The following COG5 variants were observed in gnomAD, a reference collection of about 807,000 sequenced individuals.
COG5 encodes conserved oligomeric Golgi complex subunit 5.
COG5 carries 86 observed loss-of-function variants against 110.4 expected under a neutral mutation model. The observed-to-expected ratio is 0.78, with a 90% confidence interval of 0.65 to 0.93. The LOEUF is 0.93. Among genes scored for constraint, COG5 ranks in the 40% least tolerant of loss-of-function variants. The pLI, the probability that COG5 is intolerant of heterozygous loss-of-function variation, is 0.00. For synonymous variants in COG5, 360 were observed against 334.6 expected, an observed-to-expected ratio of 1.08 and a Z score of -0.83; for missense variants, 1,077 against 987.0, an observed-to-expected ratio of 1.09 and a Z score of -1.22.
intron 6 of COG5, among the ~76,000 whole-genome samples, chr7:107,458,419 T>C (rs1279192719): frequency 9.9e-5 from 15 of 152,176 alleles, no homozygotes. Context: ...GCAGAAAAGA[T>C]GGAAGGGGCC....
intron 11 of COG5, among the ~76,000 whole-genome samples, chr7:107,302,807 C>T (rs1273781911): frequency 6.6e-6 from 1 of 152,178 alleles, no homozygotes; most frequent in Admixed American, 6.6e-5. Flanking sequence ...TCCTTACCTG[C>T]CATGCAATCT....
intron 5 of COG5, among the ~76,000 whole-genome samples, chr7:107,535,973 T>G (rs1801555577): frequency 6.6e-6 from 1 of 152,184 alleles, no homozygotes; most frequent in Non-Finnish European, 1.5e-5. Flanking sequence ...CAACTCGGCT[T>G]AATCCCTGGG....
At chr7:107,562,224 G>A (rs1803866262) in intron 1 of COG5, among the ~76,000 whole-genome samples, 1 of 152,186 alleles carries the variant, frequency 6.6e-6, no homozygotes, top group Admixed American at 6.5e-5. Flanking sequence ...CAATCACTGT[G>A]GAGAATGGCA....
intron 10 of COG5, among the ~76,000 whole-genome samples, chr7:107,346,578 C>T (rs150935596): frequency 1.1e-4 from 16 of 152,186 alleles, no homozygotes; most frequent in Middle Eastern, 3.4e-3. Context: ...AAAAACCAAA[C>T]GAGAAAATAA....
intron 21 of COG5, among the ~76,000 whole-genome samples, chr7:107,204,192 T>G (rs1488639374): frequency 6.6e-6 from 1 of 152,236 alleles, no homozygotes; most frequent in African/African-American, 2.4e-5. Flanking sequence ...ATCAAGGGGA[T>G]GTACCATTCC....
chr7:107,527,391 C>A (rs774691922), intron 5 of COG5, 34 bp from the exon 6 acceptor site: 1 of 1,609,722 alleles, frequency 6.2e-7, no homozygotes. Flanking sequence ...GTTAGTTGAT[C>A]CATGAAGTTT....
chr7:107,332,007 C>A (rs1245359821), intron 10 of COG5, among the ~76,000 whole-genome samples: 2 of 152,000 alleles, frequency 1.3e-5, no homozygotes, highest in Non-Finnish European at 2.9e-5. Flanking sequence ...TGCTACCACG[C>A]CCAGATAATT....
chr7:107,288,939 TA>T (rs1805911927), intron 12 of COG5, among the ~76,000 whole-genome samples: 1 of 117,630 alleles, frequency 8.5e-6, no homozygotes, highest in Non-Finnish European at 1.7e-5. Context: ...TATATATATA[TA>T]TATATATATA....
chr7:107,526,656 G>C (rs951310916), intron 6 of COG5, among the ~76,000 whole-genome samples: 5 of 152,136 alleles, frequency 3.3e-5, no homozygotes, highest in Non-Finnish European at 5.9e-5. Flanking sequence ...TTCAATCAGT[G>C]AATCAATAAA....
At chr7:107,371,607 C>T (rs1814171766) in intron 8 of COG5, among the ~76,000 whole-genome samples, 1 of 152,012 alleles carries the variant, frequency 6.6e-6, no homozygotes, top group South Asian at 2.1e-4. Flanking sequence ...GAAACATTAA[C>T]TATAGATAAC....
intron 1 of COG5, among the ~76,000 whole-genome samples, chr7:107,558,740 T>C (rs979436764): frequency 6.6e-6 from 1 of 150,710 alleles, no homozygotes; most frequent in Non-Finnish European, 1.5e-5. Context: ...TAAAAAAAAT[T>C]AGCCGGGCGT....
rs1017248688 is a variant in COG5, at chr7:107,203,560, T to C, written c.2446A>G (p.Ile816Val). 1.9e-6 allele frequency: 3 copies of C among 1,614,088 alleles called. 1 individual carries two copies. In the South Asian group the frequency reaches 3.3e-5, roughly 18 times the overall value. ...EGKEFAPVYP[I>V]MVQLLQKAMS... ...GCCTTTTGAAGCAGCTGAACCATTATGGGATAAACTGGTGCAAATTCTTTG... is the reference window on the plus strand; with the variant it reads ...GCCTTTTGAAGCAGCTGAACCATTACGGGATAAACTGGTGCAAATTCTTTG... Residue 816 changes from isoleucine (I) to valine (V), a missense_variant, in exon 22 of 22, where the codon ATA (isoleucine) becomes GTA (valine). Coordinates refer to ENST00000297135, the MANE Select transcript of COG5 (RefSeq NM_006348.5).
chr7:107,453,284 A>G (rs989593923), intron 6 of COG5, among the ~76,000 whole-genome samples: 2 of 152,214 alleles, frequency 1.3e-5, no homozygotes, highest in African/African-American at 4.8e-5. Context: ...GATATAAACA[A>G]TAGGAATTTC....
intron 18 of COG5, among the ~76,000 whole-genome samples, chr7:107,231,038 A>T (rs1465352365): frequency 6.6e-6 from 1 of 152,214 alleles, no homozygotes; most frequent in Non-Finnish European, 1.5e-5. Flanking sequence ...AAGTCTTTTT[A>T]CATTCAATAT....
intron 5 of COG5, among the ~76,000 whole-genome samples, chr7:107,537,585 CA>C (rs1213276859): frequency 6.6e-6 from 1 of 151,516 alleles, no homozygotes; most frequent in African/African-American, 2.4e-5. Context: ...CAGGGCCTGT[CA>C]GGGGGTGGGG....
chr7:107,497,148 T>C (rs575226732), intron 6 of COG5, among the ~76,000 whole-genome samples: 24 of 152,224 alleles, frequency 1.6e-4, no homozygotes, highest in African/African-American at 5.8e-4. Context: ...AGTTTGAGGT[T>C]ACAATGAGAT....
At chr7:107,542,526 T>C (rs376296857) in intron 5 of COG5, among the ~76,000 whole-genome samples, 1 of 152,164 alleles carries the variant, frequency 6.6e-6, no homozygotes, top group Non-Finnish European at 1.5e-5. Context: ...GGATATAACT[T>C]ACACAAAGGG....
chr7:107,257,689 T>A (rs1802986318), intron 15 of COG5, among the ~76,000 whole-genome samples: 2 of 152,122 alleles, frequency 1.3e-5, no homozygotes, highest in Admixed American at 1.3e-4. Context: ...TTTTAGTAAT[T>A]AACAATACAG....
chr7:107,322,279 A>G (rs1427433627), intron 11 of COG5, among the ~76,000 whole-genome samples: 1 of 152,216 alleles, frequency 6.6e-6, no homozygotes, highest in Non-Finnish European at 1.5e-5. Context: ...AGGCTCAGAT[A>G]GCTTCCCTAT....
Sources: gnomAD v4.1 joint callset for allele counts (sites outside exome capture counted in the v4.1 genomes callset) on GRCh38, gnomAD v4.1.1 for gene constraint, MANE v1.5 for transcripts, NCBI Gene and HGNC (gene_info 2026-07-23, HGNC 2026-07-21) for gene names.